Variants in TRIM5 observed in about 807,000 individuals in gnomAD.
TRIM5 encodes tripartite motif containing 5.
Under a neutral mutation model 35.6 loss-of-function variants are expected in TRIM5, and 31 were observed. That is an observed-to-expected ratio of 0.87 (90% CI 0.65 to 1.18). The LOEUF (loss-of-function observed/expected upper bound fraction) is 1.18. TRIM5 is among the 50% of genes most tolerant of loss of function. The pLI is 0.00. For synonymous variants in TRIM5, 243 were observed against 215.6 expected, an observed-to-expected ratio of 1.13 and a Z score of -1.11; for missense variants, 609 against 591.6, an observed-to-expected ratio of 1.03 and a Z score of -0.31.
chr11:5,644,568 T>G, the TRIM5 span, among the ~76,000 whole-genome samples: 1 of 152,216 alleles, frequency 6.6e-6, no homozygotes, highest in South Asian at 2.1e-4. Context: ...CTGTTTTTTT[T>G]CTTTTTTATT....
chr11:5,669,529 G>T (rs2134048661), intron 4 of TRIM5, among the ~76,000 whole-genome samples: 1 of 150,568 alleles, frequency 6.6e-6, no homozygotes, highest in South Asian at 2.1e-4. Context: ...CAAGAACAAA[G>T]CCAATAGCTG....
At chr11:5,592,427 C>A in the TRIM5 span, among the ~76,000 whole-genome samples, 2 of 152,124 alleles carry the variant, frequency 1.3e-5, no homozygotes, top group Non-Finnish European at 2.9e-5. Flanking sequence ...GGTTAAGTAA[C>A]TTGCCCCAAA....
At chr11:5,622,622 A>AAAAC in the TRIM5 span, among the ~76,000 whole-genome samples, 1 of 110,856 alleles carries the variant, frequency 9.0e-6, no homozygotes, top group Non-Finnish European at 1.7e-5. Flanking sequence ...CCATCTCAAA[A>AAAAC]AAACAAACAA....
intron 4 of TRIM5, 57 bp downstream of exon 4, chr11:5,678,147 G>A: frequency 6.8e-7 from 1 of 1,460,284 alleles, no homozygotes; most frequent in Non-Finnish European, 9.3e-7. Flanking sequence ...ACGCAGAGAA[G>A]GAAATAGCCT....
chr11:5,678,438 CA>C lies in TRIM5; in HGVS notation c.514-5del. The C allele has an allele frequency of 1.3e-6, 2 of 1,516,488 alleles. No homozygotes were observed. The highest frequency in any genetic ancestry group is 1.8e-6 in the Non-Finnish European group (2 of 1,125,900). The allele number at this position is 1,516,488 out of a possible 1,614,324, so 93.9% of individuals were successfully genotyped here. Reference sequence around the variant, plus strand: ...TTTTGTCATACTGTATTTGAGTCTTCAGAGATAAGAGAAGAGAAAGGGGCAC... The same window carrying C: ...TTTTGTCATACTGTATTTGAGTCTTCGAGATAAGAGAAGAGAAAGGGGCAC... On this transcript the variant is annotated splice_polypyrimidine_tract_variant and splice_region_variant and intron_variant, in intron 3 of 7. Coordinates refer to ENST00000380034, the MANE Select transcript of TRIM5 (RefSeq NM_033034.3).
chr11:5,655,327 T>A, the TRIM5 span, among the ~76,000 whole-genome samples: 1 of 152,032 alleles, frequency 6.6e-6, no homozygotes, highest in Non-Finnish European at 1.5e-5. Context: ...CCTCCCAGAA[T>A]AATATTTATC....
the TRIM5 span, chr11:5,611,417 C>T: frequency 3.3e-6 from 4 of 1,204,132 alleles, no homozygotes; most frequent in East Asian, 9.4e-5. Context: ...TTCTGATCTT[C>T]TGTTTTTCTG....
At chr11:5,643,126 T>TATATAGA in the TRIM5 span, 48,557 of 1,115,700 alleles carry the variant, frequency 0.044, 2,235 homozygotes, top group African/African-American at 0.11. Context: ...TATATATATA[T>TATATAGA]TTTTTTTTTT....
At chr11:5,650,060 C>A in the TRIM5 span, among the ~76,000 whole-genome samples, 1 of 152,114 alleles carries the variant, frequency 6.6e-6, no homozygotes, top group Non-Finnish European at 1.5e-5. Flanking sequence ...GGAATCAATG[C>A]TGTGTGGAAT....
chr11:5,643,555 A>G, the TRIM5 span: 1 of 1,614,150 alleles, frequency 6.2e-7, no homozygotes, highest in Non-Finnish European at 8.5e-7. Context: ...GTTTTCCTCG[A>G]CTATGAAGCA....
At chr11:5,639,679 C>CAAA in the TRIM5 span, among the ~76,000 whole-genome samples, 354 of 51,132 alleles carry the variant, frequency 6.9e-3, 59 homozygotes, top group African/African-American at 8.3e-3. Context: ...GACTCTATTT[C>CAAA]AAAAAAAAAA....
the TRIM5 span, among the ~76,000 whole-genome samples, chr11:5,656,021 T>G: frequency 3.9e-5 from 6 of 152,146 alleles, no homozygotes; most frequent in Non-Finnish European, 8.8e-5. Context: ...GATTAAAGAC[T>G]TAAACATAAG....
At chr11:5,625,716 G>GTCT in the TRIM5 span, among the ~76,000 whole-genome samples, 1 of 52,600 alleles carries the variant, frequency 1.9e-5, no homozygotes, top group African/African-American at 1.2e-4. Flanking sequence ...CTTTCTGCAG[G>GTCT]TCTCAGGGCT....
the TRIM5 span, chr11:5,625,121 G>C: frequency 1.3e-5 from 2 of 152,330 alleles, no homozygotes; most frequent in African/African-American, 4.8e-5. Context: ...AGTTCTCAGT[G>C]AAGTTAGGGG....
At chr11:5,681,220 T>C (rs1417475771) in intron 1 of TRIM5, among the ~76,000 whole-genome samples, 1 of 152,178 alleles carries the variant, frequency 6.6e-6, no homozygotes, top group Non-Finnish European at 1.5e-5. Context: ...ATGAGATGAT[T>C]CTGTTCCCGG....
the TRIM5 span, among the ~76,000 whole-genome samples, chr11:5,624,555 T>G: frequency 1.3e-5 from 2 of 151,882 alleles, no homozygotes; most frequent in African/African-American, 4.8e-5. Context: ...AGAAGGGGAG[T>G]TGGGTGTTTA....
At chr11:5,631,083 A>C in the TRIM5 span, among the ~76,000 whole-genome samples, 13 of 152,120 alleles carry the variant, frequency 8.5e-5, no homozygotes. Context: ...TTCCTCGATG[A>C]TCTGACATTG....
At chr11:5,620,164 CTTCTTTTTTTTTTT>C in the TRIM5 span, 2 of 97,158 alleles carry the variant, frequency 2.1e-5, no homozygotes, top group African/African-American at 4.0e-5. Context: ...CCTTTTCTTT[CTTCTTTTTTTTTTT>C]TTTTTTTTTT....
At chr11:5,601,995 G>T in the TRIM5 span, among the ~76,000 whole-genome samples, 3 of 152,058 alleles carry the variant, frequency 2.0e-5, no homozygotes, top group Non-Finnish European at 4.4e-5. Flanking sequence ...AGGGGGTTCT[G>T]ACCCCCTCAT....
Sources: gnomAD v4.1 joint callset for allele counts (sites outside exome capture counted in the v4.1 genomes callset) on GRCh38, gnomAD v4.1.1 for gene constraint, MANE v1.5 for transcripts, NCBI Gene and HGNC (gene_info 2026-07-23, HGNC 2026-07-21) for gene names.